Variants in PIK3AP1 observed in about 807,000 individuals in gnomAD.
The protein encoded by PIK3AP1 is phosphoinositide-3-kinase adaptor protein 1, also known as phosphoinositide 3-kinase adapter protein 1.
In PIK3AP1, 21 loss-of-function variants were observed where a neutral mutation model predicts 88.1. The ratio of observed to expected loss-of-function variants is 0.24; its 90% CI spans 0.17 to 0.34. The LOEUF (loss-of-function observed/expected upper bound fraction) is 0.34, where lower values mean the gene tolerates loss of function less well. PIK3AP1 is among the 10% of genes least tolerant of loss of function. The pLI is 1.00. For synonymous variants in PIK3AP1, 398 were observed against 400.0 expected (o/e 1.00, Z 0.06); for missense variants, 828 against 1,035.7 (o/e 0.80, Z 2.75).
intron 2 of PIK3AP1, 101 bp from the exon 3 acceptor site, chr10:96,657,035 C>T (rs760722773): frequency 8.3e-5 from 104 of 1,260,398 alleles, no homozygotes; most frequent in Non-Finnish European, 1.1e-4. Context: ...TAGGAAACGG[C>T]TCTGAATGTC....
chr10:96,648,720 G>A lies in PIK3AP1; in HGVS notation c.1124C>T (p.Pro375Leu). Residue 375 changes from proline (P) to leucine (L), a missense_variant, in exon 7 of 17, where the codon CCC becomes CTC. By Grantham distance (98) the Pro-to-Leu change is moderately conservative. This residue lies in a region of PIK3AP1 where 610 missense variants were observed against 760.1 expected (regional missense o/e 0.80). Coordinates refer to ENST00000339364, the MANE Select transcript of PIK3AP1 (RefSeq NM_152309.3). ...GCCGTGTTTCTCAGCGATGGTGTTGGGGTAGTGGCCATGCTTGTTGGCCAC... is the reference window on the plus strand; with the variant it reads ...GCCGTGTTTCTCAGCGATGGTGTTGAGGTAGTGGCCATGCTTGTTGGCCAC... ...YSVANKHGHY[P>L]NTIAEKHGFR... is the part of the protein sequence containing the mutation. 1 of 1,610,842 alleles carries A rather than the reference G, an allele frequency of 6.2e-7. No individual in the cohort carries two copies. The highest frequency in any genetic ancestry group is 1.1e-5 in the South Asian group (1 of 90,244).
chr10:96,669,985 G>A (rs1047364748), intron 2 of PIK3AP1, among the ~76,000 whole-genome samples: 1 of 151,984 alleles, frequency 6.6e-6, no homozygotes, highest in Non-Finnish European at 1.5e-5. Context: ...GACCAGCCTG[G>A]CCAATATGGT....
At chr10:96,719,781 T>G (rs1467392649) in intron 1 of PIK3AP1, among the ~76,000 whole-genome samples, 1 of 152,128 alleles carries the variant, frequency 6.6e-6, no homozygotes, top group Non-Finnish European at 1.5e-5. Context: ...GACCGCCAAC[T>G]CTCCCCATTC....
At chr10:96,627,889 G>C (rs942741457) in intron 9 of PIK3AP1, among the ~76,000 whole-genome samples, 1 of 152,146 alleles carries the variant, frequency 6.6e-6, no homozygotes, top group African/African-American at 2.4e-5. Flanking sequence ...TGAATAACTT[G>C]CCTAAGGTTT....
intron 2 of PIK3AP1, among the ~76,000 whole-genome samples, chr10:96,666,235 T>C (rs901237620): frequency 6.6e-6 from 1 of 151,964 alleles, no homozygotes; most frequent in Admixed American, 6.6e-5. Flanking sequence ...CTGGCTAACA[T>C]GGTGAAACCC....
At chr10:96,598,425 CT>C (rs1291776611) in intron 16 of PIK3AP1, among the ~76,000 whole-genome samples, 1 of 152,110 alleles carries the variant, frequency 6.6e-6, no homozygotes, top group East Asian at 1.9e-4. Context: ...TTGATGGCTA[CT>C]TTTTTTAAGA....
intron 1 of PIK3AP1, among the ~76,000 whole-genome samples, chr10:96,713,964 A>G (rs1156266506): frequency 1.3e-5 from 2 of 152,174 alleles, no homozygotes; most frequent in Non-Finnish European, 2.9e-5. Flanking sequence ...ACCTAAGGTC[A>G]GGAGTTCGAG....
intron 1 of PIK3AP1, among the ~76,000 whole-genome samples, chr10:96,716,983 C>T (rs954069865): frequency 2.6e-5 from 4 of 151,992 alleles, no homozygotes; most frequent in Admixed American, 1.3e-4. Context: ...AATGGAGGGC[C>T]GAGCGTGGTG....
intron 16 of PIK3AP1, among the ~76,000 whole-genome samples, chr10:96,598,720 G>A (rs556637588): frequency 2.8e-4 from 43 of 152,322 alleles, no homozygotes; most frequent in Admixed American, 2.3e-3. Flanking sequence ...ACATTAGGGA[G>A]GGCTTCACAG....
At chr10:96,632,901 G>GACAT in intron 8 of PIK3AP1, 1 of 1,612,450 alleles carries the variant, frequency 6.2e-7, no homozygotes, top group East Asian at 2.2e-5. Context: ...ATGACCCTGG[G>GACAT]ACATGCTTGG....
chr10:96,606,439 A>G (rs1849003618), intron 14 of PIK3AP1, among the ~76,000 whole-genome samples: 1 of 152,230 alleles, frequency 6.6e-6, no homozygotes, highest in East Asian at 1.9e-4. Flanking sequence ...CACCAGCTCC[A>G]TGACTCCGGA....
chr10:96,613,008 T>G (rs987861065), intron 13 of PIK3AP1, among the ~76,000 whole-genome samples: 1 of 53,244 alleles, frequency 1.9e-5, no homozygotes, highest in African/African-American at 5.9e-5. Context: ...TTTTTTTTTT[T>G]TTTTTTTTGA....
intron 15 of PIK3AP1, among the ~76,000 whole-genome samples, chr10:96,602,743 C>G (rs1345398538): frequency 6.6e-6 from 1 of 152,162 alleles, no homozygotes; most frequent in Non-Finnish European, 1.5e-5. Flanking sequence ...TGGCAGTGAC[C>G]CATGTGGCCC....
At chr10:96,612,946 G>A (rs2082924) in intron 13 of PIK3AP1, among the ~76,000 whole-genome samples, 880 of 42,002 alleles carry the variant, frequency 0.021, 15 homozygotes, top group African/African-American at 0.045. Flanking sequence ...AATTGTGTGT[G>A]TGTGTATATA....
chr10:96,605,552 G>T (rs1456258945), intron 14 of PIK3AP1, among the ~76,000 whole-genome samples: 1 of 152,136 alleles, frequency 6.6e-6, no homozygotes, highest in Non-Finnish European at 1.5e-5. Flanking sequence ...TAACAACATA[G>T]TCAAGATCTT....
chr10:96,636,525 T>C (rs545750436), intron 8 of PIK3AP1, among the ~76,000 whole-genome samples: 1 of 152,336 alleles, frequency 6.6e-6, no homozygotes, highest in South Asian at 2.1e-4. Context: ...GAAGGGAGTC[T>C]GTTTCTAGAC....
At chr10:96,643,062 G>A (rs891384529) in intron 8 of PIK3AP1, among the ~76,000 whole-genome samples, 1 of 152,178 alleles carries the variant, frequency 6.6e-6, no homozygotes, top group Non-Finnish European at 1.5e-5. Flanking sequence ...TTCCCCGCCT[G>A]TATCTCCAAC....
At position 96,645,439 on chromosome 10, in the gene PIK3AP1, A is replaced by G. The variant is rs956942279; in HGVS notation, c.1375+34T>C. 8.1e-6 allele frequency: 13 copies of G among 1,599,086 alleles called. No homozygotes were observed. The Admixed American group carries it at 1.3e-4, about 15-fold the overall frequency. On this transcript the variant is annotated intron_variant, in intron 8 of 16. Coordinates refer to ENST00000339364, the MANE Select transcript of PIK3AP1 (RefSeq NM_152309.3). ...AATGAAAAAAGCTGTTTCTCAGCAG[A>G]AAGGTGGAAGCAGAACTGGGTTGTG...
At chr10:96,610,565 A>C (rs571946906) in intron 13 of PIK3AP1, among the ~76,000 whole-genome samples, 1 of 152,236 alleles carries the variant, frequency 6.6e-6, no homozygotes, top group Admixed American at 6.5e-5. Context: ...TGGGTGGCCC[A>C]CACACACAGT....
Sources: allele counts gnomAD v4.1 joint callset (sites outside exome capture counted in the v4.1 genomes callset), GRCh38; gene constraint gnomAD v4.1.1; regional missense constraint gnomAD v4.1.1; transcripts MANE v1.5; gene names NCBI Gene and HGNC (gene_info 2026-07-23, HGNC 2026-07-21).